Variants in ZNF423 observed in about 807,000 individuals in gnomAD.
The protein encoded by ZNF423 is zinc finger protein 423, also known as Ebf-associated zinc finger protein.
In ZNF423, 12 loss-of-function variants were observed where a neutral mutation model predicts 95.8. That is an observed-to-expected ratio of 0.13 (90% CI 0.08 to 0.20). The LOEUF (loss-of-function observed/expected upper bound fraction) is 0.20. Among genes scored for constraint, ZNF423 ranks in the 10% least tolerant of loss-of-function variants. The pLI, the probability that ZNF423 is intolerant of heterozygous loss-of-function variation, is 1.00. For synonymous variants in ZNF423, 749 were observed against 711.9 expected (o/e 1.05, Z -0.83); for missense variants, 1,316 against 1,737.1 (o/e 0.76, Z 4.31).
intron 1 of ZNF423, among the ~76,000 whole-genome samples, chr16:49,827,982 T>C (rs1007908454): frequency 1.3e-5 from 2 of 152,208 alleles, no homozygotes; most frequent in African/African-American, 4.8e-5. Flanking sequence ...TTAGTGACCC[T>C]AGTATGAACT....
intron 2 of ZNF423, among the ~76,000 whole-genome samples, chr16:49,761,239 T>C (rs1391811850): frequency 6.6e-6 from 1 of 152,112 alleles, no homozygotes; most frequent in African/African-American, 2.4e-5. Context: ...TGAGAAACCA[T>C]GAAAGGGTCC....
In ZNF423 at chr16:49,491,134, T is replaced by C. The variant is rs1378818383; in HGVS notation, c.*141A>G. On this transcript the variant is annotated 3_prime_UTR_variant, in exon 8 of 8. Transcript: ENST00000563137. ...AATATTCATTTCCAGCTGCTTATAA[T>C]AGCAGCGCCTCATGGCCAAATCATT... 17 of 921,328 alleles carry C rather than the reference T, an allele frequency of 1.8e-5. No individual in the cohort carries two copies. The highest frequency in any genetic ancestry group is 2.7e-5 in the Non-Finnish European group (15 of 562,506). 57.1% of individuals were successfully genotyped at this position (921,328 alleles called of 1,614,324 possible). A position where few individuals can be genotyped will look rare whatever the true frequency, so the allele number is the denominator to read the frequency against.
intron 5 of ZNF423, among the ~76,000 whole-genome samples, chr16:49,594,878 T>C (rs1363883923): frequency 6.6e-6 from 1 of 152,206 alleles, no homozygotes; most frequent in Non-Finnish European, 1.5e-5. Context: ...CACAGGGCTG[T>C]CAACGCAGAT....
chr16:49,669,708 C>T (rs1262056063), intron 3 of ZNF423, among the ~76,000 whole-genome samples: 43 of 152,152 alleles, frequency 2.8e-4, no homozygotes, highest in Non-Finnish European at 1.9e-4. Context: ...GATATCTCCC[C>T]CTGCACCCCC....
intron 7 of ZNF423, among the ~76,000 whole-genome samples, chr16:49,508,636 T>C (rs1327598524): frequency 6.6e-6 from 1 of 151,794 alleles, no homozygotes; most frequent in Non-Finnish European, 1.5e-5. Context: ...TTCAATGTTA[T>C]AAAAACAGTG....
intron 7 of ZNF423, chr16:49,518,223 G>A: frequency 2.6e-6 from 1 of 379,776 alleles, no homozygotes; most frequent in Non-Finnish European, 5.1e-6. Flanking sequence ...TTCTGCATAG[G>A]TCCCCCATTA....
chr16:49,779,403 C>A (rs1327436483), intron 2 of ZNF423, among the ~76,000 whole-genome samples: 1 of 152,074 alleles, frequency 6.6e-6, no homozygotes, highest in Admixed American at 6.5e-5. Context: ...AGGGGACACA[C>A]ACAGTCTATG....
chr16:49,769,312 G>A (rs990271159), intron 2 of ZNF423, among the ~76,000 whole-genome samples: 62 of 149,772 alleles, frequency 4.1e-4, no homozygotes, highest in African/African-American at 1.3e-3. Flanking sequence ...CCGAGATCGC[G>A]CCAATGCACT....
intron 1 of ZNF423, among the ~76,000 whole-genome samples, chr16:49,818,228 C>T (rs1282677947): frequency 6.6e-6 from 1 of 152,056 alleles, no homozygotes; most frequent in South Asian, 2.1e-4. Flanking sequence ...TAGAGCAAAG[C>T]CATATAAAAA....
chr16:49,639,497 C>G (rs1390455870), intron 3 of ZNF423, among the ~76,000 whole-genome samples: 2 of 152,204 alleles, frequency 1.3e-5, no homozygotes, highest in Non-Finnish European at 2.9e-5. Context: ...GGGCAAGAGA[C>G]AGCAGACTTC....
intron 2 of ZNF423, among the ~76,000 whole-genome samples, chr16:49,788,004 C>G (rs1005304279): frequency 6.6e-6 from 1 of 152,216 alleles, no homozygotes; most frequent in Non-Finnish European, 1.5e-5. Context: ...ACGCACTCCC[C>G]GCACAGAAGG....
intron 2 of ZNF423, among the ~76,000 whole-genome samples, chr16:49,732,501 G>A (rs1295215987): frequency 6.6e-6 from 1 of 152,176 alleles, no homozygotes; most frequent in Admixed American, 6.5e-5. Flanking sequence ...CAAAGAAAGA[G>A]ATCTTATTAT....
chr16:49,706,547 G>A (rs1033249311), intron 3 of ZNF423, among the ~76,000 whole-genome samples: 16 of 152,244 alleles, frequency 1.1e-4, no homozygotes, highest in African/African-American at 3.9e-4. Flanking sequence ...TCCACCGCCT[G>A]GAGGCAGACT....
chr16:49,792,744 C>T (rs2034436124), intron 1 of ZNF423, among the ~76,000 whole-genome samples: 1 of 152,040 alleles, frequency 6.6e-6, no homozygotes, highest in African/African-American at 2.4e-5. Flanking sequence ...AACAGAAAAA[C>T]AAAAACAGAA....
At chr16:49,512,014 T>C (rs1387011619) in intron 7 of ZNF423, among the ~76,000 whole-genome samples, 2 of 152,220 alleles carry the variant, frequency 1.3e-5, no homozygotes, top group Admixed American at 1.3e-4. Flanking sequence ...TGATATGGTA[T>C]GATGCAGCAC....
At chr16:49,837,511 C>G (rs2035133509) in intron 1 of ZNF423, among the ~76,000 whole-genome samples, 2 of 152,202 alleles carry the variant, frequency 1.3e-5, no homozygotes, top group Admixed American at 6.5e-5. Flanking sequence ...CCAGAAAGAA[C>G]CATGCACCAT....
chr16:49,658,171 C>T (rs369239018), intron 3 of ZNF423, among the ~76,000 whole-genome samples: 1 of 152,228 alleles, frequency 6.6e-6, no homozygotes, highest in Non-Finnish European at 1.5e-5. Flanking sequence ...AGTCCTGCTG[C>T]CCTGGCCCAT....
At chr16:49,694,417 C>T (rs557304436) in intron 3 of ZNF423, among the ~76,000 whole-genome samples, 3 of 152,180 alleles carry the variant, frequency 2.0e-5, no homozygotes, top group Non-Finnish European at 4.4e-5. Context: ...GCTAGGGGCA[C>T]TAGCAGTAGA....
rs146372306 is a variant in ZNF423, at chr16:49,783,291, A to G, written c.100+6196T>C. On this transcript the variant is annotated intron_variant, in intron 2 of 7. Transcript: ENST00000563137. ...GGTGATTAGGGTTAGGGTTAGAGTT[A>G]GGATTAGTGCCAGGCTGGGATGGGC... Among the ~76,000 whole-genome samples the G allele has an allele frequency of 4.4e-3, 641 of 146,104 alleles. 7 individuals carry two copies. The highest frequency in any genetic ancestry group is 0.016 in the African/African-American group (620 of 39,024).
Sources: gnomAD v4.1 joint callset for allele counts (sites outside exome capture counted in the v4.1 genomes callset) on GRCh38, gnomAD v4.1.1 for gene constraint, MANE v1.5 for transcripts, NCBI Gene and HGNC (gene_info 2026-07-23, HGNC 2026-07-21) for gene names.